CCDC47: variants seen among roughly 807,000 people sequenced by gnomAD.
CCDC47 encodes the protein coiled-coil domain containing 47.
In CCDC47, 41 loss-of-function variants were observed where a neutral mutation model predicts 60.5. The observed-to-expected ratio is 0.68, with a 90% CI of 0.53 to 0.88. The LOEUF (loss-of-function observed/expected upper bound fraction) is 0.88. Ranked by LOEUF, CCDC47 falls within the 40% of genes least tolerant of loss-of-function variation. The pLI is 0.00. For synonymous variants in CCDC47, 195 were observed against 190.7 expected (o/e 1.02, Z -0.18); for missense variants, 513 against 580.9 (o/e 0.88, Z 1.20).
chr17:63,768,161 T>C (rs1382291255), intron 1 of CCDC47, among the ~76,000 whole-genome samples: 6 of 152,222 alleles, frequency 3.9e-5, no homozygotes. Flanking sequence ...AAAAACTCCT[T>C]TGGCATTCAC....
At position 63,761,235 on chromosome 17, in the gene CCDC47, G is replaced by C. The variant is rs369086138; in HGVS notation, c.664C>G (p.Leu222Val). Residue 222 changes from leucine to valine, a missense_variant, in exon 5 of 13, where the codon CTG becomes GTG. Coordinates refer to ENST00000225726, the MANE Select transcript of CCDC47 (RefSeq NM_020198.3). ...RVCCEGMLIQLRFLKRQDLLN... is the reference protein window; with the variant it reads ...RVCCEGMLIQVRFLKRQDLLN... ...ACAAGAAGTTTCCTACTTACCCTCAGCTGGATAAGCATGCCCTCACAGCAC... is the reference window on the plus strand; with the variant it reads ...ACAAGAAGTTTCCTACTTACCCTCACCTGGATAAGCATGCCCTCACAGCAC... 1.9e-6 allele frequency: 3 copies of C among 1,614,038 alleles called. No homozygotes were observed. Among genetic ancestry groups the C allele is most frequent in the Non-Finnish European group, 2.5e-6 (3 of 1,180,022 alleles).
intron 3 of CCDC47, among the ~76,000 whole-genome samples, chr17:63,764,430 T>A (rs994471497): frequency 2.0e-5 from 3 of 152,230 alleles, no homozygotes; most frequent in Non-Finnish European, 4.4e-5. Flanking sequence ...CCCTTTGTTT[T>A]ACACTTGGTC....
At chr17:63,760,657 G>A (rs1052097603) in intron 6 of CCDC47, among the ~76,000 whole-genome samples, 1 of 152,040 alleles carries the variant, frequency 6.6e-6, no homozygotes, top group Non-Finnish European at 1.5e-5. Context: ...TGGCCAACAT[G>A]GTGAAACCCT....
chr17:63,772,260 T>G (rs1308166387), intron 1 of CCDC47, among the ~76,000 whole-genome samples: 2 of 143,500 alleles, frequency 1.4e-5, no homozygotes, highest in Admixed American at 6.9e-5. Flanking sequence ...GTTTTTTTTT[T>G]TTTTTTTTTT....
At position 63,754,379 on chromosome 17, in the gene CCDC47, A is replaced by G. The variant is rs1234301220; in HGVS notation, c.1034+54T>C. On this transcript the variant is annotated intron_variant, in intron 9 of 12. Transcript: ENST00000225726. ...TGCAGAAGCACCTTACAGGTGTTTC[A>G]ACACAGAAAGCTAGTGAGGAAAATT... 4.5e-6 allele frequency: 5 copies of G among 1,122,236 alleles called. No homozygotes were observed. The Admixed American group carries it at 9.2e-5, about 21-fold the overall frequency. 69.5% of individuals were successfully genotyped at this position (1,122,236 alleles called of 1,614,324 possible).
Position 63,760,981 on chromosome 17 carries a change from T to C in CCDC47, c.670-2A>G. ...CAGTAAGTCTTGTCTCTTGAGGAAC[T>C]GAAAAAAATGAGAGAAGTAAGTAAA... On this transcript the variant is annotated splice_acceptor_variant, in intron 5 of 12. Transcript: ENST00000225726. LOFTEE classifies it high-confidence loss of function. 6.2e-7 allele frequency: 1 copy of C among 1,612,334 alleles called. No individual in the cohort carries two copies. The highest frequency in any genetic ancestry group is 1.3e-5 in the African/African-American group (1 of 74,868).
intron 6 of CCDC47, among the ~76,000 whole-genome samples, chr17:63,759,439 A>G (rs1403636154): frequency 7.2e-6 from 1 of 139,112 alleles, no homozygotes; most frequent in African/African-American, 2.6e-5. Flanking sequence ...CAGTGAGCCA[A>G]GGTCAAGCCA....
chr17:63,770,985 C>CA (rs760648451), intron 1 of CCDC47, among the ~76,000 whole-genome samples: 676 of 48,968 alleles, frequency 0.014, 19 homozygotes, highest in African/African-American at 0.063. Flanking sequence ...GAGACTGTGT[C>CA]AAAAAAAAAA....
chr17:63,773,207 A>G (rs1348043029), intron 1 of CCDC47, among the ~76,000 whole-genome samples: 1 of 152,206 alleles, frequency 6.6e-6, no homozygotes, highest in African/African-American at 2.4e-5. Context: ...GAGAATCAAT[A>G]CATCCTAATG....
In CCDC47 at chr17:63,760,499, A is replaced by G. The variant is rs1026313101; in HGVS notation, c.735+415T>C. 3.3e-5 allele frequency among the ~76,000 whole-genome samples: 5 copies of G among 152,350 alleles called. No individual in the cohort carries two copies. The East Asian group carries it at 7.7e-4, about 24-fold the overall frequency. ...TTTGTCAAGGGACATAAATTGCCAG[A>G]AACTCCAAACACAATCCAGGCAGAA... On this transcript the variant is annotated intron_variant, in intron 6 of 12. Coordinates refer to ENST00000225726, the MANE Select transcript of CCDC47 (RefSeq NM_020198.3).
chr17:63,759,509 ATAT>A (rs1568249055), intron 6 of CCDC47, among the ~76,000 whole-genome samples: 1 of 23,152 alleles, frequency 4.3e-5, no homozygotes, highest in African/African-American at 2.5e-4. Flanking sequence ...AAAAAAAAAA[ATAT>A]ATATATATAT....
At chr17:63,766,925 A>G in intron 1 of CCDC47, 1 of 984,394 alleles carries the variant, frequency 1.0e-6, no homozygotes, top group Non-Finnish European at 1.2e-6. Flanking sequence ...ATTCACCCTT[A>G]GATTGATTTG....
chr17:63,765,627 A>G, intron 2 of CCDC47: 1 of 1,078,176 alleles, frequency 9.3e-7, no homozygotes, highest in Non-Finnish European at 1.1e-6. Flanking sequence ...GGCATGAGCC[A>G]CCGTGCCCAG....
chr17:63,764,446 C>T (rs1348393604), intron 3 of CCDC47, among the ~76,000 whole-genome samples: 1 of 152,158 alleles, frequency 6.6e-6, no homozygotes. Flanking sequence ...TGGTCCTTAA[C>T]CCCCAAATAA....
At chr17:63,761,711 G>T in intron 4 of CCDC47, 3 of 449,994 alleles carry the variant, frequency 6.7e-6, no homozygotes, top group Non-Finnish European at 8.7e-6. Context: ...AAAAAAAAAG[G>T]AAACAAGGCC....
chr17:63,757,680 T>G (rs1362477099), intron 6 of CCDC47, among the ~76,000 whole-genome samples: 1 of 152,028 alleles, frequency 6.6e-6, no homozygotes, highest in Non-Finnish European at 1.5e-5. Flanking sequence ...AGTCCAAAAA[T>G]AAAAAATAAA....
At chr17:63,764,274 C>T in intron 3 of CCDC47, 84 bp from the exon 4 acceptor site, 3 of 1,026,520 alleles carry the variant, frequency 2.9e-6, no homozygotes, top group Non-Finnish European at 4.3e-6. Flanking sequence ...TGAGAAAATC[C>T]ATAAACAGAA....
intron 4 of CCDC47, chr17:63,762,280 A>C (rs1169670000): frequency 8.2e-6 from 8 of 981,366 alleles, no homozygotes; most frequent in Non-Finnish European, 9.7e-6. Context: ...GAAGGAGCCA[A>C]AGCTGCTCAT....
chr17:63,763,986 A>G (rs1035919896), intron 4 of CCDC47, 30 bp downstream of exon 4: 12 of 1,544,876 alleles, frequency 7.8e-6, no homozygotes, highest in Non-Finnish European at 1.0e-5. Flanking sequence ...TTTTCAAGCA[A>G]GAAGCTGGGC....
Sources: allele counts gnomAD v4.1 joint callset (sites outside exome capture counted in the v4.1 genomes callset), GRCh38; gene constraint gnomAD v4.1.1; transcripts MANE v1.5; gene names NCBI Gene and HGNC (gene_info 2026-07-23, HGNC 2026-07-21).